ADD1: variants seen among roughly 807,000 people sequenced by gnomAD.
ADD1 encodes the protein adducin 1, also known as alpha-adducin.
ADD1 carries 24 observed loss-of-function variants against 80.5 expected under a neutral mutation model. That is an observed-to-expected ratio of 0.30 (90% CI 0.22 to 0.42). The LOEUF is 0.42. ADD1 is among the 10% of genes least tolerant of loss of function. The pLI is 1.00. For missense variants in ADD1, 948 were observed against 1,019.0 expected, an observed-to-expected ratio of 0.93 and a Z score of 0.95; for synonymous variants, 373 against 393.8, an observed-to-expected ratio of 0.95 and a Z score of 0.63.
intron 1 of ADD1, among the ~76,000 whole-genome samples, chr4:2,871,779 T>G (rs1577494928): frequency 6.6e-6 from 1 of 152,242 alleles, no homozygotes; most frequent in African/African-American, 2.4e-5. Flanking sequence ...CAGAAACATT[T>G]CTGTATCTAA....
chr4:2,873,235 A>G (rs1340254182), intron 1 of ADD1, among the ~76,000 whole-genome samples: 3 of 152,094 alleles, frequency 2.0e-5, no homozygotes, highest in African/African-American at 7.2e-5. Flanking sequence ...TCAGGCATCC[A>G]CTTGCCTCGG....
chr4:2,858,711 A>C (rs1009149786), intron 1 of ADD1, among the ~76,000 whole-genome samples: 1 of 152,254 alleles, frequency 6.6e-6, no homozygotes, highest in Non-Finnish European at 1.5e-5. Context: ...ACCCAAGGCC[A>C]GGCAGTGGCT....
chr4:2,869,430 G>A (rs1288068623), intron 1 of ADD1, among the ~76,000 whole-genome samples: 3 of 152,178 alleles, frequency 2.0e-5, no homozygotes, highest in Non-Finnish European at 4.4e-5. Context: ...GTTTTATAAG[G>A]ACATAAGTCA....
intron 1 of ADD1, among the ~76,000 whole-genome samples, chr4:2,846,424 T>C (rs1726206832): frequency 6.6e-6 from 1 of 152,212 alleles, no homozygotes; most frequent in Non-Finnish European, 1.5e-5. Flanking sequence ...TAGGCAGAAA[T>C]GATTAGTAGT....
Position 2,844,013 on chromosome 4 carries a change from T to C in ADD1, c.-32T>C, listed in dbSNP as rs899491690. 6.6e-6 allele frequency: 1 copy of C among 150,634 alleles called. No homozygotes were observed. The highest frequency in any genetic ancestry group is 2.5e-5 in the African/African-American group (1 of 40,236). The allele number at this position is 150,634 out of a possible 1,614,324, so 9.3% of individuals were successfully genotyped here. A position where few individuals can be genotyped will look rare whatever the true frequency, so the allele number is the denominator to read the frequency against. ...CCGGAATCCCGCGCGCTGCCCACGA[T>C]TCGCTTCTGAGGTGAGGCTAGCTAG... On this transcript the variant is annotated 5_prime_UTR_variant, in exon 1 of 16. Coordinates refer to ENST00000683351, the MANE Select transcript of ADD1 (RefSeq NM_001354761.2).
chr4:2,904,586 T>TA, intron 9 of ADD1, 178 bp from the exon 10 acceptor site: 1 of 629,200 alleles, frequency 1.6e-6, no homozygotes, highest in Non-Finnish European at 2.8e-6. Context: ...CACATTTTAG[T>TA]ACCTGGTTTT....
chr4:2,926,553 C>T lies in ADD1; in HGVS notation c.2047+441C>T, dbSNP rs1711674069. 4.1e-6 allele frequency: 6 copies of T among 1,463,266 alleles called. No homozygotes were observed. Among genetic ancestry groups the T allele is most frequent in the Admixed American group, 1.8e-5 (1 of 55,568 alleles). The allele number at this position is 1,463,266 out of a possible 1,614,324, so 90.6% of individuals were successfully genotyped here. ...GTCTCTCGTGAAGCCCGTGGCCCTG[C>T]CTTTCTTCTTCTGTAACCTGATGGC... is the stretch of plus-strand genomic sequence containing the variant. On this transcript the variant is annotated intron_variant, in intron 15 of 15. Coordinates refer to ENST00000683351, the MANE Select transcript of ADD1 (RefSeq NM_001354761.2). This position sits in a 1 kb window ranked among gnomAD's most constrained non-coding sequence, Gnocchi z 5.0.
chr4:2,851,374 A>T (rs1170650349), intron 1 of ADD1, among the ~76,000 whole-genome samples: 1 of 152,250 alleles, frequency 6.6e-6, no homozygotes, highest in Non-Finnish European at 1.5e-5. Flanking sequence ...CAATGCTTAC[A>T]GTATGTGAGG....
At chr4:2,892,743 G>A (rs1734510020) in intron 4 of ADD1, among the ~76,000 whole-genome samples, 1 of 151,882 alleles carries the variant, frequency 6.6e-6, no homozygotes, top group Non-Finnish European at 1.5e-5. Flanking sequence ...GCTGAGATGT[G>A]TGGATCACTT....
intron 1 of ADD1, among the ~76,000 whole-genome samples, chr4:2,875,143 C>G (rs944981554): frequency 2.0e-5 from 3 of 152,080 alleles, no homozygotes; most frequent in African/African-American, 7.2e-5. Context: ...GTGGAAGGAT[C>G]ACTTGAGCCT....
At chr4:2,874,728 T>G (rs1730998583) in intron 1 of ADD1, among the ~76,000 whole-genome samples, 1 of 152,216 alleles carries the variant, frequency 6.6e-6, no homozygotes, top group Non-Finnish European at 1.5e-5. Flanking sequence ...CTTCAACTGA[T>G]TCTTTGGTTA....
chr4:2,929,140 C>T lies in ADD1; in HGVS notation c.*617C>T, dbSNP rs1712556132. ...CGTGATGCTATGCATGTCTGACCGA[C>T]GATCCCTCGACCAGAATCAGATTCA... On this transcript the variant is annotated 3_prime_UTR_variant, in exon 16 of 16. Coordinates refer to ENST00000683351, the MANE Select transcript of ADD1 (RefSeq NM_001354761.2). The T allele has an allele frequency of 3.3e-5, 5 of 152,196 alleles. No individual in the cohort carries two copies. Among genetic ancestry groups the T allele is most frequent in the Admixed American group, 3.3e-4 (5 of 15,286 alleles). 9.4% of individuals were successfully genotyped at this position (152,196 alleles called of 1,614,324 possible). A position where few individuals can be genotyped will look rare whatever the true frequency, so the allele number is the denominator to read the frequency against.
At chr4:2,892,309 A>G (rs1217688396) in intron 4 of ADD1, among the ~76,000 whole-genome samples, 2 of 152,218 alleles carry the variant, frequency 1.3e-5, no homozygotes, top group Admixed American at 6.5e-5. Context: ...TTTGAACTTA[A>G]TCTTTAGGAA....
chr4:2,898,928 C>A, intron 8 of ADD1: 2 of 377,588 alleles, frequency 5.3e-6, no homozygotes, highest in Non-Finnish European at 9.7e-6. Context: ...CTGTGAGTTC[C>A]CCTCCGCTCC....
intron 14 of ADD1, among the ~76,000 whole-genome samples, chr4:2,924,327 C>G (rs557854133): frequency 2.6e-5 from 4 of 152,340 alleles, no homozygotes; most frequent in African/African-American, 9.6e-5. Context: ...TGGGCATCAG[C>G]TGCTTTTCCC....
At chr4:2,919,852 C>T (rs568355180) in intron 14 of ADD1, among the ~76,000 whole-genome samples, 3 of 151,754 alleles carry the variant, frequency 2.0e-5, no homozygotes, top group East Asian at 1.9e-4. Context: ...GTTCTGCACT[C>T]GTCTTAGTTA....
chr4:2,912,727 A>G (rs544748528), intron 13 of ADD1, among the ~76,000 whole-genome samples: 8 of 152,206 alleles, frequency 5.3e-5, no homozygotes, highest in African/African-American at 1.7e-4. Flanking sequence ...AGGTCTCACT[A>G]TGTTGCCCAG....
intron 1 of ADD1, among the ~76,000 whole-genome samples, chr4:2,846,805 CTCTG>C (rs1330792642): frequency 7.0e-6 from 1 of 142,310 alleles, no homozygotes; most frequent in Non-Finnish European, 1.5e-5. Context: ...CACTGCACTA[CTCTG>C]TCTCTTTAAA....
At chr4:2,864,043 A>G (rs1160274059) in intron 1 of ADD1, among the ~76,000 whole-genome samples, 2 of 152,224 alleles carry the variant, frequency 1.3e-5, no homozygotes, top group Non-Finnish European at 2.9e-5. Flanking sequence ...ACCTTAGGGT[A>G]AGACACAATC....
Sources: allele counts gnomAD v4.1 joint callset (sites outside exome capture counted in the v4.1 genomes callset), GRCh38; gene constraint gnomAD v4.1.1; non-coding constraint Gnocchi (gnomAD v3.1); transcripts MANE v1.5; gene names NCBI Gene and HGNC (gene_info 2026-07-23, HGNC 2026-07-21).